The following NXPE2 variants were observed in gnomAD, a reference collection of about 807,000 sequenced individuals.
NXPE2 encodes the protein neurexophilin and PC-esterase domain family member 2, also known as NXPE family member 2.
Under a neutral mutation model 34.4 loss-of-function variants are expected in NXPE2, and 34 were observed. The observed-to-expected ratio is 0.99, with a 90% CI of 0.75 to 1.31. The LOEUF (loss-of-function observed/expected upper bound fraction) is 1.31, where lower values mean the gene tolerates loss of function less well. Among genes scored for constraint, NXPE2 ranks in the 40% most tolerant of loss-of-function variants. The pLI is 0.00. For synonymous variants in NXPE2, 235 were observed against 231.3 expected (o/e 1.02, Z -0.15); for missense variants, 649 against 672.5 (o/e 0.97, Z 0.39).
chr11:114,529,454 C>T, the NXPE2 span: 2 of 152,116 alleles, frequency 1.3e-5, no homozygotes, highest in South Asian at 2.1e-4. Context: ...ACAGGGAAAC[C>T]AGGAAGTGAG....
the NXPE2 span, among the ~76,000 whole-genome samples, chr11:114,633,558 A>G: frequency 8.6e-5 from 13 of 151,284 alleles, no homozygotes; most frequent in Non-Finnish European, 1.9e-4. Context: ...TGTGTGCTGC[A>G]CCCATTGACT....
chr11:114,800,569 A>C, the NXPE2 span, among the ~76,000 whole-genome samples: 2 of 152,176 alleles, frequency 1.3e-5, no homozygotes, highest in Non-Finnish European at 2.9e-5. Context: ...CGTACCTAGT[A>C]AGAAGTAGAG....
the NXPE2 span, among the ~76,000 whole-genome samples, chr11:114,493,762 T>C: frequency 6.6e-6 from 1 of 152,214 alleles, no homozygotes; most frequent in African/African-American, 2.4e-5. Flanking sequence ...TACGGTGTTA[T>C]AATATTCTGT....
the NXPE2 span, among the ~76,000 whole-genome samples, chr11:114,721,511 C>T: frequency 6.6e-6 from 1 of 151,962 alleles, no homozygotes; most frequent in African/African-American, 2.4e-5. Context: ...AGCACACCTG[C>T]ATTGAAATTA....
At chr11:114,660,610 T>C in the NXPE2 span, among the ~76,000 whole-genome samples, 2 of 152,206 alleles carry the variant, frequency 1.3e-5, no homozygotes, top group South Asian at 4.1e-4. Context: ...AAAGGAGTTT[T>C]CTTAACTCGA....
At chr11:114,689,154 C>T (rs1951103330) in intron 2 of NXPE2, among the ~76,000 whole-genome samples, 1 of 151,692 alleles carries the variant, frequency 6.6e-6, no homozygotes, top group Non-Finnish European at 1.5e-5. Context: ...TCTTGTTTTT[C>T]TATTTCCTTT....
the NXPE2 span, among the ~76,000 whole-genome samples, chr11:114,571,737 C>T: frequency 1.3e-5 from 2 of 152,174 alleles, no homozygotes; most frequent in African/African-American, 2.4e-5. Flanking sequence ...TGGAGACTCA[C>T]ATCATGAACT....
At chr11:114,633,821 T>A in the NXPE2 span, among the ~76,000 whole-genome samples, 1 of 152,048 alleles carries the variant, frequency 6.6e-6, no homozygotes, top group Non-Finnish European at 1.5e-5. Context: ...TGCATAGTAT[T>A]CCATGGTGTA....
At chr11:114,528,924 C>T in the NXPE2 span, 810 of 509,168 alleles carry the variant, frequency 1.6e-3, 6 homozygotes, top group African/African-American at 0.013. Flanking sequence ...ATGAGATGTA[C>T]CATCAGAGAT....
chr11:114,601,412 A>C, the NXPE2 span, among the ~76,000 whole-genome samples: 1 of 137,924 alleles, frequency 7.3e-6, no homozygotes, highest in East Asian at 2.0e-4. Flanking sequence ...TTGCTGCAAA[A>C]GATGTAATTT....
At chr11:114,513,419 C>A in the NXPE2 span, 4 of 311,126 alleles carry the variant, frequency 1.3e-5, no homozygotes, top group East Asian at 2.1e-4. Flanking sequence ...AGGAAGGTAT[C>A]CCTGTGATGA....
the NXPE2 span, among the ~76,000 whole-genome samples, chr11:114,800,960 C>CTGAT: frequency 6.6e-6 from 1 of 152,198 alleles, no homozygotes; most frequent in Admixed American, 6.5e-5. Flanking sequence ...ATGACAATTA[C>CTGAT]TGATTAGTAT....
chr11:114,804,047 A>T, the NXPE2 span, among the ~76,000 whole-genome samples: 1 of 152,200 alleles, frequency 6.6e-6, no homozygotes, highest in Non-Finnish European at 1.5e-5. Flanking sequence ...CCTCCTCTAT[A>T]TCTACTCTAC....
chr11:114,551,632 CTT>C, the NXPE2 span, among the ~76,000 whole-genome samples: 1 of 152,136 alleles, frequency 6.6e-6, no homozygotes, highest in Non-Finnish European at 1.5e-5. Context: ...TGTAAAATGC[CTT>C]TAAAGAAAGC....
chr11:114,469,746 A>G, the NXPE2 span, among the ~76,000 whole-genome samples: 1 of 152,044 alleles, frequency 6.6e-6, no homozygotes, highest in African/African-American at 2.4e-5. Flanking sequence ...CCACCTCAAT[A>G]TATGTCTGTG....
In NXPE2 at chr11:114,705,930, C is replaced by T. The variant is rs1951464323; in HGVS notation, c.1078C>T (p.Leu360Phe). The T allele has an allele frequency of 6.5e-7, 1 of 1,540,500 alleles. No individual in the cohort carries two copies. The highest frequency in any genetic ancestry group is 8.8e-7 in the Non-Finnish European group (1 of 1,142,516). Reference protein sequence around the residue: ...KNINDCLERKLIYLMGDSTLH... With the variant: ...KNINDCLERKFIYLMGDSTLH... Reference sequence around the variant, plus strand: ...TATAAATGACTGCTTGGAAAGAAAACTTATTTATCTCATGGGAGATTCAAC... The same window carrying T: ...TATAAATGACTGCTTGGAAAGAAAATTTATTTATCTCATGGGAGATTCAAC... Residue 360 changes from leucine (L) to phenylalanine (F), a missense_variant, in exon 5 of 6, where the codon CTT becomes TTT. Coordinates refer to ENST00000389586, the MANE Select transcript of NXPE2 (RefSeq NM_182495.6).
the NXPE2 span, among the ~76,000 whole-genome samples, chr11:114,630,907 A>G: frequency 6.6e-6 from 1 of 151,844 alleles, no homozygotes; most frequent in African/African-American, 2.4e-5. Flanking sequence ...TATGCAGCCA[A>G]AAAACACATG....
the NXPE2 span, among the ~76,000 whole-genome samples, chr11:114,800,582 T>C: frequency 6.6e-6 from 1 of 152,226 alleles, no homozygotes; most frequent in Admixed American, 6.5e-5. Flanking sequence ...AAGTAGAGTG[T>C]TGAATTTGTT....
chr11:114,800,160 C>T, the NXPE2 span, among the ~76,000 whole-genome samples: 4 of 152,148 alleles, frequency 2.6e-5, no homozygotes, highest in African/African-American at 7.2e-5. Context: ...GGGAACAATT[C>T]TTATTAGTTC....
Sources: gnomAD v4.1 joint callset for allele counts (sites outside exome capture counted in the v4.1 genomes callset) on GRCh38, gnomAD v4.1.1 for gene constraint, MANE v1.5 for transcripts, NCBI Gene and HGNC (gene_info 2026-07-23, HGNC 2026-07-21) for gene names.